GANAB: variants seen among roughly 807,000 people sequenced by gnomAD.
GANAB encodes neutral alpha-glucosidase AB.
GANAB carries 35 observed loss-of-function variants against 129.9 expected under a neutral mutation model. The observed-to-expected ratio is 0.27, with a 90% CI of 0.21 to 0.36. The LOEUF is 0.36. Ranked by LOEUF, GANAB falls within the 10% of genes least tolerant of loss-of-function variation. The pLI is 1.00. For missense variants in GANAB, 939 were observed against 1,221.0 expected (o/e 0.77, Z 3.44); for synonymous variants, 482 against 451.8 (o/e 1.07, Z -0.85).
At chr11:62,630,097 G>A in intron 13 of GANAB, 100 bp downstream of exon 13, 1 of 1,291,860 alleles carries the variant, frequency 7.7e-7, no homozygotes, top group South Asian at 1.2e-5. Context: ...CCCCTGATAT[G>A]TTGCAGGCAA....
chr11:62,645,327 G>C lies in GANAB; in HGVS notation c.38+1235C>G, dbSNP rs1400136914. 3.3e-5 allele frequency among the ~76,000 whole-genome samples: 5 copies of C among 152,294 alleles called. No homozygotes were observed. In the South Asian group the frequency reaches 8.3e-4, roughly 25 times the overall value. ...CGAGGCGGGTGGATCACGAGGTCAAGAGATCGAGATCATCCTCACCAACAT... is the reference window on the plus strand; with the variant it reads ...CGAGGCGGGTGGATCACGAGGTCAACAGATCGAGATCATCCTCACCAACAT... On this transcript the variant is annotated intron_variant, in intron 1 of 23. Transcript: ENST00000356638.
rs536065312 is a variant in GANAB at position 62,630,407 on chromosome 11, G to A, written c.1485C>T (p.Gly495=). ...NLGLYVKTRD[G]SDYEGWCWPG... ...GCCAGCACCAGCCCTCATAGTCAGA[G>A]CCATCCCGGGTTTTAACATACAGCC... The change falls in exon 12 of 24, where the codon GGC becomes GGT. Residue 495 remains glycine, a synonymous_variant. Transcript: ENST00000356638. 6.2e-7 allele frequency: 1 copy of A among 1,614,180 alleles called. No homozygotes were observed. Among genetic ancestry groups the A allele is most frequent in the South Asian group, 1.1e-5 (1 of 91,088 alleles).
chr11:62,630,593 C>A lies in GANAB; in HGVS notation c.1386+8G>T. 1 of 1,611,172 alleles carries A rather than the reference C, an allele frequency of 6.2e-7. No individual in the cohort carries two copies. The highest frequency in any genetic ancestry group is 1.1e-5 in the South Asian group (1 of 91,006). On this transcript the variant is annotated splice_region_variant and intron_variant, in intron 11 of 23. Transcript: ENST00000356638. ...CTGAGAAGACCAAGCGTGACTGCAACCCCTTACCTTCCGCCTCTTAGAAGC... is the reference window on the plus strand; with the variant it reads ...CTGAGAAGACCAAGCGTGACTGCAAACCCTTACCTTCCGCCTCTTAGAAGC...
At chr11:62,626,284 A>C (rs779832857) in intron 22 of GANAB, 51 bp downstream of exon 22, 1 of 1,382,174 alleles carries the variant, frequency 7.2e-7, no homozygotes, top group Non-Finnish European at 1.0e-6. Context: ...GAGCCCCCAC[A>C]AGGATCAGGC....
intron 1 of GANAB, among the ~76,000 whole-genome samples, chr11:62,643,311 G>T (rs535935097): frequency 6.6e-6 from 1 of 152,112 alleles, no homozygotes; most frequent in Non-Finnish European, 1.5e-5. Context: ...AGACCAGCCT[G>T]GCCAACATGG....
At chr11:62,633,677 A>AT in intron 5 of GANAB, 163 bp from the exon 6 acceptor site, 1 of 636,854 alleles carries the variant, frequency 1.6e-6, no homozygotes, top group Non-Finnish European at 2.8e-6. Flanking sequence ...CAATGAGCAG[A>AT]TAAGTTTGCA....
intron 5 of GANAB, chr11:62,634,056 G>C (rs561536605): frequency 2.2e-6 from 1 of 462,306 alleles, no homozygotes. Flanking sequence ...CCCAGCAATA[G>C]GCAGCATCTC....
intron 9 of GANAB, 67 bp downstream of exon 9, chr11:62,632,498 G>C (rs1943735232): frequency 1.6e-6 from 2 of 1,236,986 alleles, no homozygotes; most frequent in Non-Finnish European, 1.2e-6. Context: ...AATGCCCCTA[G>C]TATACCTATT....
chr11:62,634,244 A>T (rs2957121), intron 5 of GANAB: 1 of 1,105,174 alleles, frequency 9.0e-7, no homozygotes, highest in South Asian at 1.2e-5. Flanking sequence ...ACCTCCCCCC[A>T]AAGGCTAGAG....
chr11:62,637,012 A>G (rs946512954), intron 4 of GANAB, among the ~76,000 whole-genome samples: 1 of 152,108 alleles, frequency 6.6e-6, no homozygotes, highest in African/African-American at 2.4e-5. Context: ...ACAGAAGGTA[A>G]AAGACTGATA....
chr11:62,631,235 A>G, intron 9 of GANAB, 52 bp from the exon 10 acceptor site: 1 of 1,482,736 alleles, frequency 6.7e-7, no homozygotes, highest in South Asian at 1.4e-5. Context: ...CCCATTTTCC[A>G]ACCCCAAGAC....
intron 1 of GANAB, 70 bp downstream of exon 1, chr11:62,646,492 G>A: frequency 2.0e-6 from 3 of 1,532,746 alleles, no homozygotes; most frequent in South Asian, 1.1e-5. Flanking sequence ...AGACACACAG[G>A]AAGGAGTGGA....
rs58757640 is a variant in GANAB, at chr11:62,628,205, CT to C, written c.2180+563del. Reference sequence around the variant, plus strand: ...ATCTCACACAGCCTTCTTCTCAAAACTTTTTTTTTTTTTTTTTTTTCATTTT... The same window carrying C: ...ATCTCACACAGCCTTCTTCTCAAAACTTTTTTTTTTTTTTTTTTTCATTTT... On this transcript the variant is annotated intron_variant, in intron 17 of 23. Transcript: ENST00000356638. Among the ~76,000 whole-genome samples the C allele has an allele frequency of 7.0e-4, 69 of 98,420 alleles. 1 individual carries two copies. The highest frequency in any genetic ancestry group is 8.3e-3 in the Middle Eastern group (1 of 120). The allele number at this position is 98,420 out of a possible 152,430, so 64.6% of individuals were successfully genotyped here. A position where few individuals can be genotyped will look rare whatever the true frequency, so the allele number is the denominator to read the frequency against.
At chr11:62,640,228 CAAA>C (rs869051826) in intron 1 of GANAB, among the ~76,000 whole-genome samples, 7 of 28,022 alleles carry the variant, frequency 2.5e-4, no homozygotes, top group African/African-American at 1.1e-3. Flanking sequence ...CAGAGCTAGA[CAAA>C]AAAAAAAAAA....
In GANAB at chr11:62,629,349, T is replaced by A. The variant is rs1298287199; in HGVS notation, c.1835-54A>T. On this transcript the variant is annotated intron_variant, in intron 15 of 23. Coordinates refer to ENST00000356638, the MANE Select transcript of GANAB (RefSeq NM_198334.3). ...CACATGGTAAAGGAGTTCAGCTTTT[T>A]ACATGGCTGACCTCCCACATCCGCT... The A allele has an allele frequency of 2.4e-6, 3 of 1,270,200 alleles. No homozygotes were observed. The Admixed American group carries it at 5.0e-5, about 21-fold the overall frequency. The allele number at this position is 1,270,200 out of a possible 1,614,324, so 78.7% of individuals were successfully genotyped here. A position where few individuals can be genotyped will look rare whatever the true frequency, so the allele number is the denominator to read the frequency against.
In GANAB at chr11:62,646,522, GGGGCGTCCCGGGCGCGCCCCCAGATTCC is replaced by G. The variant is rs1306950084; in HGVS notation, c.38+12_38+39del. ...AGTGGAATGGGACTTGGGGGATCTG[GGGGCGTCCCGGGCGCGCCCCCAGATTCC>G]GGGCTCCTCACCGCCTCCTACGCGC... On this transcript the variant is annotated intron_variant, in intron 1 of 23. Coordinates refer to ENST00000356638, the MANE Select transcript of GANAB (RefSeq NM_198334.3). 1 of 1,608,224 alleles carries G rather than the reference GGGGCGTCCCGGGCGCGCCCCCAGATTCC, an allele frequency of 6.2e-7. No homozygotes were observed. Among genetic ancestry groups the G allele is most frequent in the Non-Finnish European group, 8.5e-7 (1 of 1,175,552 alleles).
chr11:62,630,748 A>T lies in GANAB; in HGVS notation c.1239T>A (p.Asp413Glu). The T allele has an allele frequency of 1.2e-6, 2 of 1,614,114 alleles. No individual in the cohort carries two copies. The highest frequency in any genetic ancestry group is 1.7e-6 in the Non-Finnish European group (2 of 1,179,974). The change falls in exon 11 of 24, where the codon GAT becomes GAA. Residue 413 changes from aspartate (D) to glutamate (E), a missense_variant. Coordinates refer to ENST00000356638, the MANE Select transcript of GANAB (RefSeq NM_198334.3). The part of the protein sequence containing the change: ...YRDEADVLEV[D>E]QGFDDHNLPC... ...GCAGGTTGTGATCATCAAAGCCCTG[A>T]TCCACTTCCAGCACATCAGCCTCGT... is the stretch of plus-strand genomic sequence containing the variant.
At chr11:62,634,539 T>C in intron 5 of GANAB, 1 of 629,670 alleles carries the variant, frequency 1.6e-6, no homozygotes. Flanking sequence ...ATCTGGGAAA[T>C]GTGATGATGT....
chr11:62,632,764 A>C lies in GANAB; in HGVS notation c.816-19T>G. ...CCCACCCCTGCAGGCAAACAGACAG[A>C]CTTGGGCTGCTAACTGGCCCCAGGC... On this transcript the variant is annotated intron_variant, in intron 8 of 23. Transcript: ENST00000356638. The C allele has an allele frequency of 3.1e-6, 5 of 1,604,784 alleles. No individual in the cohort carries two copies. The highest frequency in any genetic ancestry group is 4.3e-6 in the Non-Finnish European group (5 of 1,172,724).
Sources: allele counts gnomAD v4.1 joint callset (sites outside exome capture counted in the v4.1 genomes callset), GRCh38; gene constraint gnomAD v4.1.1; transcripts MANE v1.5; gene names NCBI Gene and HGNC (gene_info 2026-07-23, HGNC 2026-07-21).